Variants in BFAR observed in about 807,000 individuals in gnomAD.
BFAR encodes the protein RING finger protein 47.
BFAR carries 52 observed loss-of-function variants against 54.4 expected under a neutral mutation model. The observed-to-expected ratio is 0.96, with a 90% confidence interval of 0.77 to 1.21. BFAR has a LOEUF of 1.21. BFAR is among the 50% of genes most tolerant of loss of function. The pLI is 0.00. For missense variants in BFAR, 571 were observed against 534.0 expected (o/e 1.07, Z -0.68); for synonymous variants, 215 against 204.3 (o/e 1.05, Z -0.45).
intron 4 of BFAR, among the ~76,000 whole-genome samples, chr16:14,650,782 GAAT>G (rs1210295154): frequency 6.6e-6 from 1 of 152,096 alleles, no homozygotes; most frequent in African/African-American, 2.4e-5. Flanking sequence ...TGGCTATTAT[GAAT>G]AATGATGCTA....
chr16:14,646,936 A>C (rs1350065865), intron 2 of BFAR, among the ~76,000 whole-genome samples: 2 of 151,680 alleles, frequency 1.3e-5, no homozygotes, highest in Admixed American at 6.6e-5. Context: ...GATTTTTTTA[A>C]ATACTTTTTT....
At chr16:14,657,145 G>A (rs562528697) in intron 5 of BFAR, among the ~76,000 whole-genome samples, 1 of 152,222 alleles carries the variant, frequency 6.6e-6, no homozygotes, top group Admixed American at 6.6e-5. Flanking sequence ...ATATGTGCGT[G>A]TATTACTTTA....
At chr16:14,658,160 C>A (rs1042535492) in intron 5 of BFAR, among the ~76,000 whole-genome samples, 1 of 152,130 alleles carries the variant, frequency 6.6e-6, no homozygotes, top group African/African-American at 2.4e-5. Context: ...GAGGGGACTT[C>A]CAAGAGGAAA....
intron 6 of BFAR, among the ~76,000 whole-genome samples, chr16:14,664,134 A>C (rs896873177): frequency 6.6e-6 from 1 of 152,048 alleles, no homozygotes; most frequent in African/African-American, 2.4e-5. Flanking sequence ...TCCCAGAAGC[A>C]CTGTCTGTGT....
chr16:14,658,593 C>T (rs1430409747), intron 5 of BFAR, among the ~76,000 whole-genome samples: 2 of 151,878 alleles, frequency 1.3e-5, no homozygotes, highest in Admixed American at 6.6e-5. Flanking sequence ...ATTAGCTGGG[C>T]GTGGTGGTGG....
chr16:14,647,913 T>C (rs1199811137), intron 2 of BFAR, among the ~76,000 whole-genome samples: 1 of 152,060 alleles, frequency 6.6e-6, no homozygotes, highest in Non-Finnish European at 1.5e-5. Context: ...TATCATCAGG[T>C]TGGTGCACAA....
chr16:14,642,632 G>GTA (rs1173353626), intron 1 of BFAR, among the ~76,000 whole-genome samples: 5 of 152,114 alleles, frequency 3.3e-5, no homozygotes, highest in African/African-American at 1.2e-4. Flanking sequence ...GAGGGAAAGG[G>GTA]TATATTGAGC....
At chr16:14,655,334 T>A (rs1393029007) in intron 5 of BFAR, 124 bp downstream of exon 5, 3 of 892,418 alleles carry the variant, frequency 3.4e-6, no homozygotes, top group South Asian at 4.8e-5. Context: ...TTATTTATTT[T>A]ATTTTGAGAC....
intron 4 of BFAR, 30 bp from the exon 5 acceptor site, chr16:14,655,036 C>T (rs914774311): frequency 6.3e-7 from 1 of 1,577,260 alleles, no homozygotes; most frequent in East Asian, 2.3e-5. Flanking sequence ...TATATAATCG[C>T]AAAATAAATC....
In BFAR at chr16:14,648,512, G is replaced by T. The variant is rs1270380398; in HGVS notation, c.388G>T (p.Ala130Ser). 3 of 1,613,872 alleles carry T rather than the reference G, an allele frequency of 1.9e-6. No homozygotes were observed. Among genetic ancestry groups the T allele is most frequent in the Non-Finnish European group, 2.5e-6 (3 of 1,179,902 alleles). The stretch of plus-strand genomic sequence containing the variant: ...ATATGGGAATGATCAGATTCCTTTA[G>T]CTCCTAACACAGGCCGAGCGAATCA... The part of the protein sequence containing the change: ...QKYGNDQIPL[A>S]PNTGRANQQM... Residue 130 changes from alanine (A) to serine (S), a missense_variant, in exon 3 of 8, where the codon GCT (alanine) becomes TCT (serine). Coordinates refer to ENST00000261658, the MANE Select transcript of BFAR (RefSeq NM_016561.3).
intron 7 of BFAR, among the ~76,000 whole-genome samples, chr16:14,666,723 G>GT (rs2151846070): frequency 6.6e-6 from 1 of 152,094 alleles, no homozygotes; most frequent in African/African-American, 2.4e-5. Context: ...CTTTCCAATG[G>GT]TGACTCACTA....
intron 1 of BFAR, among the ~76,000 whole-genome samples, chr16:14,635,395 A>G (rs1959400715): frequency 6.6e-6 from 1 of 151,936 alleles, no homozygotes; most frequent in Non-Finnish European, 1.5e-5. Flanking sequence ...TAACTTGGTA[A>G]CTACCCATAG....
intron 5 of BFAR, among the ~76,000 whole-genome samples, chr16:14,656,088 T>G (rs753499567): frequency 2.0e-5 from 3 of 151,980 alleles, no homozygotes; most frequent in Non-Finnish European, 4.4e-5. Flanking sequence ...CACACTCCTG[T>G]AGGTCCATTT....
At chr16:14,647,702 A>G (rs1959842676) in intron 2 of BFAR, among the ~76,000 whole-genome samples, 1 of 151,710 alleles carries the variant, frequency 6.6e-6, no homozygotes, top group African/African-American at 2.4e-5. Flanking sequence ...ACAAGTGCCA[A>G]TAGAAAATGC....
intron 4 of BFAR, among the ~76,000 whole-genome samples, chr16:14,654,246 C>G (rs987321341): frequency 6.6e-6 from 1 of 151,676 alleles, no homozygotes; most frequent in African/African-American, 2.4e-5. Flanking sequence ...CTCCTGACCT[C>G]GTGATCTGCC....
chr16:14,644,615 G>A lies in BFAR; in HGVS notation c.263+6G>A, dbSNP rs752200201. On this transcript the variant is annotated splice_donor_region_variant and intron_variant, in intron 2 of 7. Transcript: ENST00000261658. ...AAAGTCAGTATTCTCCTCAGGTAAT[G>A]TTCAGCCTATATTGGTAGCACAAAC... 8 of 1,606,286 alleles carry A rather than the reference G, an allele frequency of 5.0e-6. No homozygotes were observed. The highest frequency in any genetic ancestry group is 6.8e-6 in the Non-Finnish European group (8 of 1,177,050).
chr16:14,652,515 T>A (rs1307686117), intron 4 of BFAR, among the ~76,000 whole-genome samples: 1 of 151,432 alleles, frequency 6.6e-6, no homozygotes, highest in African/African-American at 2.4e-5. Context: ...TCCTGACCTC[T>A]GGTGATCCAC....
intron 2 of BFAR, among the ~76,000 whole-genome samples, chr16:14,647,929 T>G (rs1959848952): frequency 6.6e-6 from 1 of 152,130 alleles, no homozygotes; most frequent in Non-Finnish European, 1.5e-5. Flanking sequence ...CACAAGTAAT[T>G]GCAGTTTTTA....
At chr16:14,636,876 G>T (rs975452764) in intron 1 of BFAR, among the ~76,000 whole-genome samples, 5 of 152,318 alleles carry the variant, frequency 3.3e-5, no homozygotes, top group African/African-American at 4.8e-5. Flanking sequence ...GGAGTATGCT[G>T]CCTTCAAGCA....
Sources: allele counts gnomAD v4.1 joint callset (sites outside exome capture counted in the v4.1 genomes callset), GRCh38; gene constraint gnomAD v4.1.1; transcripts MANE v1.5; gene names NCBI Gene and HGNC (gene_info 2026-07-23, HGNC 2026-07-21).